LAMP2: variants seen among roughly 807,000 people sequenced by gnomAD.
LAMP2 encodes lysosome associated membrane protein 2.
A neutral mutation model predicts 25.6 loss-of-function variants in LAMP2; 4 were observed. That is an observed-to-expected ratio of 0.16 (90% CI 0.08 to 0.36). The LOEUF (loss-of-function observed/expected upper bound fraction) is 0.36, where lower values mean the gene tolerates loss of function less well. LAMP2 is among the 10% of genes least tolerant of loss of function. LAMP2 has a pLI of 1.00. For synonymous variants in LAMP2, 108 were observed against 112.7 expected (o/e 0.96, Z 0.27); for missense variants, 272 against 301.4 (o/e 0.90, Z 0.72).
chrX:120,439,610 T>A (rs1380345250), intron 8 of LAMP2, among the ~76,000 whole-genome samples: 1 of 109,431 alleles, frequency 9.1e-6, no homozygotes, highest in African/African-American at 3.3e-5. Flanking sequence ...ACATTGTATA[T>A]GTGTGCATAT....
chrX:120,438,271 T>C (rs2058554545), intron 8 of LAMP2: 1 of 750,222 alleles, frequency 1.3e-6, no homozygotes, highest in African/African-American at 2.3e-5. Context: ...ACAAGAAATG[T>C]TGGAAGGCTA....
Position 120,428,312 on chromosome X carries a change from G to T in LAMP2, c.*3011C>A. 2 of 499,452 alleles carry T rather than the reference G, an allele frequency of 4.0e-6. No homozygotes were observed. Among genetic ancestry groups the T allele is most frequent in the Non-Finnish European group, 5.7e-6 (2 of 350,743 alleles). 41.2% of individuals were successfully genotyped at this position (499,452 alleles called of 1,213,427 possible). The stretch of plus-strand genomic sequence containing the variant: ...GGAAGAAAAAAAACAGAAAAAAATT[G>T]GTCCTAATATATTTTGTCTTAAATA... On this transcript the variant is annotated 3_prime_UTR_variant, in exon 9 of 9. Transcript: ENST00000200639.
chrX:120,442,491 C>T (rs747599099), intron 7 of LAMP2, 108 bp downstream of exon 7: 44 of 648,692 alleles, frequency 6.8e-5, no homozygotes, highest in Non-Finnish European at 1.1e-4. Flanking sequence ...TTTTACATAG[C>T]ATCTTCTGTT....
chrX:120,449,121 A>G lies in LAMP2; in HGVS notation c.405T>C (p.Leu135=), dbSNP rs764073250. The G allele has an allele frequency of 1.7e-6, 2 of 1,192,306 alleles. No homozygotes were observed. The highest frequency in any genetic ancestry group is 3.5e-5 in the South Asian group (2 of 56,416). ...TGATGGCCAAAAGTTCATCAACAGTAAGAATTCCTATAAAACAAGATTAAC... is the reference window on the plus strand; with the variant it reads ...TGATGGCCAAAAGTTCATCAACAGTGAGAATTCCTATAAAACAAGATTAAC... ...TFPDAEDKGI[L]TVDELLAIRI... Residue 135 remains leucine (L), a synonymous_variant, in exon 4 of 9, where the codon CTT becomes CTC. Coordinates refer to ENST00000200639, the MANE Select transcript of LAMP2 (RefSeq NM_002294.3).
intron 1 of LAMP2, among the ~76,000 whole-genome samples, chrX:120,458,734 G>T (rs1921203757): frequency 9.0e-6 from 1 of 111,540 alleles, no homozygotes; most frequent in Admixed American, 9.6e-5. Context: ...ATGAAGAGTG[G>T]GATCAGTCAC....
At position 120,427,319 on chromosome X, in the gene LAMP2, G is replaced by A. The variant is rs1001857275; in HGVS notation, c.*4004C>T. On this transcript the variant is annotated 3_prime_UTR_variant, in exon 9 of 9. Coordinates refer to ENST00000200639, the MANE Select transcript of LAMP2 (RefSeq NM_002294.3). ...TTGAACCCTAGACAACTTCAACACT[G>A]CTTCCAAATAAAAGGGCAATTCAAC... 7.2e-5 allele frequency among the ~76,000 whole-genome samples: 8 copies of A among 111,387 alleles called. No individual in the cohort carries two copies. The highest frequency in any genetic ancestry group is 2.6e-4 in the African/African-American group (8 of 30,701).
chrX:120,441,535 T>C (rs2058571907), intron 8 of LAMP2, among the ~76,000 whole-genome samples, 195 bp downstream of exon 8: 1 of 112,205 alleles, frequency 8.9e-6, no homozygotes, highest in African/African-American at 3.2e-5. Flanking sequence ...TAAGAACTTT[T>C]TTTGCAAATG....
rs747215176 is a variant in LAMP2, at chrX:120,429,932, C to T, written c.*1391G>A. 2 of 752,598 alleles carry T rather than the reference C, an allele frequency of 2.7e-6. No homozygotes were observed. Among genetic ancestry groups the T allele is most frequent in the Non-Finnish European group, 3.1e-6 (2 of 637,692 alleles). The allele number at this position is 752,598 out of a possible 1,213,427, so 62.0% of individuals were successfully genotyped here. A position where few individuals can be genotyped will look rare whatever the true frequency, so the allele number is the denominator to read the frequency against. On this transcript the variant is annotated 3_prime_UTR_variant, in exon 9 of 9. Coordinates refer to ENST00000200639, the MANE Select transcript of LAMP2 (RefSeq NM_002294.3). The stretch of plus-strand genomic sequence containing the variant: ...TACTTTTCTTCTAATTTTAACTTTT[C>T]CTCCTCTTGTACTTTTACCATTCAT...
intron 1 of LAMP2, among the ~76,000 whole-genome samples, chrX:120,463,711 T>C (rs1312147248): frequency 1.8e-5 from 2 of 111,718 alleles, no homozygotes; most frequent in African/African-American, 6.5e-5. Flanking sequence ...TGAGTATCTA[T>C]AACCCTATCA....
chrX:120,431,564 G>T (rs960397832), intron 8 of LAMP2, 102 bp from the exon 9 acceptor site: 25 of 734,991 alleles, frequency 3.4e-5, no homozygotes, highest in East Asian at 1.9e-4. Context: ...GCATATTTTG[G>T]TTTTTTATAC....
intron 3 of LAMP2, among the ~76,000 whole-genome samples, chrX:120,451,463 T>C (rs1003057617): frequency 2.7e-5 from 3 of 110,467 alleles, no homozygotes; most frequent in Non-Finnish European, 5.7e-5. Flanking sequence ...TAGTTTTTTT[T>C]GTTGTTGTTG....
chrX:120,437,613 T>C, intron 8 of LAMP2: 1 of 749,110 alleles, frequency 1.3e-6, no homozygotes. Flanking sequence ...ACACGGTAAT[T>C]TGACAATTGG....
intron 6 of LAMP2, among the ~76,000 whole-genome samples, chrX:120,443,535 A>G (rs772231521): frequency 1.8e-5 from 2 of 111,689 alleles, no homozygotes; most frequent in East Asian, 5.6e-4. Context: ...TGCGGAGTCT[A>G]TGTAATTATT....
chrX:120,435,651 G>T (rs2058539866), intron 8 of LAMP2, among the ~76,000 whole-genome samples: 1 of 111,919 alleles, frequency 8.9e-6, no homozygotes. Flanking sequence ...AAAGAAATGA[G>T]TAGCAGGATT....
chrX:120,454,978 CAT>C (rs1370116779), intron 3 of LAMP2, among the ~76,000 whole-genome samples: 1 of 86,443 alleles, frequency 1.2e-5, no homozygotes, highest in African/African-American at 4.4e-5. Context: ...TATATATATA[CAT>C]ATATACTAGG....
chrX:120,456,175 T>C (rs904321356), intron 2 of LAMP2, among the ~76,000 whole-genome samples: 3 of 107,137 alleles, frequency 2.8e-5, no homozygotes, highest in African/African-American at 1.0e-4. Context: ...TGGAGGTACA[T>C]GTGTGTGCCA....
At chrX:120,456,397 CA>C (rs1240182663) in intron 2 of LAMP2, among the ~76,000 whole-genome samples, 1 of 111,043 alleles carries the variant, frequency 9.0e-6, no homozygotes, top group Non-Finnish European at 1.9e-5. Context: ...TAGACCTGAA[CA>C]CCATATAGTC....
At position 120,429,436 on chromosome X, in the gene LAMP2, G is replaced by A. The variant is rs1000877206; in HGVS notation, c.*1887C>T. 6.6e-5 allele frequency: 37 copies of A among 564,859 alleles called. No individual in the cohort carries two copies. Among genetic ancestry groups the A allele is most frequent in the Non-Finnish European group, 7.5e-5 (35 of 468,795 alleles). The allele number at this position is 564,859 out of a possible 1,213,427, so 46.6% of individuals were successfully genotyped here. On this transcript the variant is annotated 3_prime_UTR_variant, in exon 9 of 9. Transcript: ENST00000200639. ...TAATAATACCTATAAGGTATTTGAG[G>A]ATTAAATACAATTACATTTCTAAAG...
At chrX:120,436,658 A>G in intron 8 of LAMP2, 1 of 737,100 alleles carries the variant, frequency 1.4e-6, no homozygotes, top group Non-Finnish European at 1.6e-6. Flanking sequence ...ATGCTAAAAC[A>G]TGAAAAACAC....
Sources: gnomAD v4.1 joint callset for allele counts (sites outside exome capture counted in the v4.1 genomes callset) on GRCh38, gnomAD v4.1.1 for gene constraint, MANE v1.5 for transcripts, NCBI Gene and HGNC (gene_info 2026-07-23, HGNC 2026-07-21) for gene names.